CDH26: variants seen among roughly 807,000 people sequenced by gnomAD.
CDH26 encodes the protein cadherin-like protein 26.
Under a neutral mutation model 90.3 loss-of-function variants are expected in CDH26, and 83 were observed. The observed-to-expected ratio is 0.92, with a 90% CI of 0.77 to 1.10. The LOEUF (loss-of-function observed/expected upper bound fraction) is 1.10, where lower values mean the gene tolerates loss of function less well. Ranked by LOEUF, CDH26 falls within the 50% of genes least tolerant of loss-of-function variation. The pLI is 0.00. For synonymous variants in CDH26, 397 were observed against 396.3 expected, an observed-to-expected ratio of 1.00 and a Z score of -0.02; for missense variants, 1,013 against 1,037.6, an observed-to-expected ratio of 0.98 and a Z score of 0.33.
intron 7 of CDH26, among the ~76,000 whole-genome samples, chr20:60,026,478 G>A (rs576865423): frequency 8.2e-4 from 125 of 152,030 alleles, no homozygotes; most frequent in Non-Finnish European, 1.4e-3. Context: ...CACAGAGACC[G>A]GAAGCAAGAA....
intron 1 of CDH26, 70 bp from the exon 2 acceptor site, chr20:59,968,897 A>G (rs1305281214): frequency 4.0e-6 from 3 of 748,944 alleles, no homozygotes; most frequent in Non-Finnish European, 6.6e-6. Context: ...GATTTGTGCA[A>G]CTCCAGGTGG....
chr20:59,985,033 C>T lies in CDH26; in HGVS notation c.741C>T (p.Ala247=), dbSNP rs1309331601. The change falls in exon 7 of 18, where the codon GCC becomes GCT. Residue 247 remains alanine (A), a synonymous_variant. Transcript: ENST00000348616. ...TAPQFTLLIR[A]RDCGEPSLSS... ...CTCAGTTTACACTGCTAATCAGAGC[C>T]AGGGACTGTGGAGAACCGTCACTGT... The T allele has an allele frequency of 9.3e-6, 15 of 1,613,952 alleles. No individual in the cohort carries two copies. Among genetic ancestry groups the T allele is most frequent in the African/African-American group, 1.3e-5 (1 of 74,874 alleles).
intron 7 of CDH26, among the ~76,000 whole-genome samples, chr20:60,025,767 C>T (rs17727029): frequency 0.32 from 48,985 of 152,050 alleles, 9,956 homozygotes; most frequent in Non-Finnish European, 0.43. Flanking sequence ...GTACCTAGAT[C>T]GCCAACCCTG....
At chr20:59,979,637 T>TTTTTTTTTTTTTTTTTG (rs2061370626) in intron 4 of CDH26, among the ~76,000 whole-genome samples, 1 of 115,810 alleles carries the variant, frequency 8.6e-6, no homozygotes, top group Admixed American at 8.9e-5. Context: ...TTTTTTTTTT[T>TTTTTTTTTTTTTTTTTG]TTTTTTTAGA....
intron 7 of CDH26, among the ~76,000 whole-genome samples, chr20:60,026,646 C>A (rs1433992224): frequency 6.6e-6 from 1 of 152,198 alleles, no homozygotes; most frequent in African/African-American, 2.4e-5. Flanking sequence ...TGGTCAAGAA[C>A]CTGAGAGCGC....
intron 13 of CDH26, 113 bp from the exon 14 acceptor site, chr20:59,999,473 T>C (rs1024285654): frequency 9.8e-6 from 8 of 817,474 alleles, no homozygotes. Context: ...ACTTCTTCTG[T>C]GATGGCATAG....
rs1204777189 is a variant in CDH26 at position 59,995,878 on chromosome 20, A to G, written c.1712A>G (p.Asn571Ser). 2 of 1,614,216 alleles carry G rather than the reference A, an allele frequency of 1.2e-6. No homozygotes were observed. Among genetic ancestry groups the G allele is most frequent in the Non-Finnish European group, 1.7e-6 (2 of 1,180,034 alleles). Residue 571 changes from asparagine (N) to serine (S), a missense_variant, in exon 12 of 18, where the codon AAT becomes AGT. Physicochemically the swap from Asn to Ser is conservative, Grantham distance 46. Transcript: ENST00000348616. ...LLTLRSLPRGNYLVPLFIGDK... is the reference protein window; with the variant it reads ...LLTLRSLPRGSYLVPLFIGDK... The stretch of plus-strand genomic sequence containing the variant: ...ACCTTGAGAAGCCTGCCACGTGGTA[A>G]TTACTTGGTGCCACTCTTCATTGGA...
intron 16 of CDH26, among the ~76,000 whole-genome samples, chr20:60,006,419 T>C (rs528656761): frequency 6.6e-6 from 1 of 152,172 alleles, no homozygotes; most frequent in South Asian, 2.1e-4. Context: ...AAGGCATGAG[T>C]GAGGGTGTCA....
At chr20:59,989,354 C>G (rs2061499107) in intron 9 of CDH26, among the ~76,000 whole-genome samples, 191 bp downstream of exon 9, 1 of 151,232 alleles carries the variant, frequency 6.6e-6, no homozygotes, top group African/African-American at 2.4e-5. Flanking sequence ...AGGTGAAACC[C>G]CGTCTCTACT....
At chr20:59,977,463 C>G (rs1021576540) in intron 4 of CDH26, among the ~76,000 whole-genome samples, 3 of 151,882 alleles carry the variant, frequency 2.0e-5, no homozygotes, top group African/African-American at 7.3e-5. Context: ...AAGCCTGATT[C>G]GACTTGCTTT....
chr20:59,993,825 C>T (rs2061557536), intron 10 of CDH26, among the ~76,000 whole-genome samples: 1 of 152,182 alleles, frequency 6.6e-6, no homozygotes, highest in Admixed American at 6.5e-5. Flanking sequence ...TCCCCAGGGG[C>T]AACACCTTGC....
intron 16 of CDH26, among the ~76,000 whole-genome samples, chr20:60,004,765 CAAAAAAAAAA>C (rs140015980): frequency 2.1e-5 from 1 of 48,132 alleles, no homozygotes; most frequent in Non-Finnish European, 5.5e-5. Context: ...GACTCCATCT[CAAAAAAAAAA>C]AAAAAAAAAA....
chr20:60,001,472 C>T, intron 15 of CDH26, 61 bp downstream of exon 15: 1 of 1,583,898 alleles, frequency 6.3e-7, no homozygotes, highest in Non-Finnish European at 8.6e-7. Flanking sequence ...CAGTTGGTCC[C>T]CCTGAGAGAG....
chr20:59,993,862 G>C (rs2061558309), intron 10 of CDH26, among the ~76,000 whole-genome samples: 1 of 152,214 alleles, frequency 6.6e-6, no homozygotes. Context: ...CTTGTAACCA[G>C]TACATCAACG....
chr20:59,963,303 T>C (rs2145966836), intron 1 of CDH26, among the ~76,000 whole-genome samples: 1 of 138,468 alleles, frequency 7.2e-6, no homozygotes, highest in African/African-American at 2.8e-5. Context: ...CAGGCTGGAG[T>C]GCAGTGGTAT....
At chr20:59,978,980 A>C (rs966306511) in intron 4 of CDH26, among the ~76,000 whole-genome samples, 1 of 151,934 alleles carries the variant, frequency 6.6e-6, no homozygotes, top group African/African-American at 2.4e-5. Context: ...GTATCTCTTG[A>C]TGTATAGTTC....
At chr20:59,970,283 G>A (rs999582903) in intron 3 of CDH26, 97 bp downstream of exon 3, 1 of 1,502,436 alleles carries the variant, frequency 6.7e-7, no homozygotes, top group African/African-American at 1.4e-5. Flanking sequence ...TTATGTGCTA[G>A]TGAGGCCAGG....
At chr20:60,029,236 C>T (rs899793653) in intron 7 of CDH26, among the ~76,000 whole-genome samples, 4 of 152,298 alleles carry the variant, frequency 2.6e-5, no homozygotes, top group Admixed American at 2.6e-4. Context: ...TGAGAGGAAT[C>T]AGTCCTAGAG....
intron 13 of CDH26, among the ~76,000 whole-genome samples, chr20:59,998,561 C>T (rs1199593190): frequency 6.6e-6 from 1 of 152,164 alleles, no homozygotes; most frequent in East Asian, 1.9e-4. Flanking sequence ...GGGCAAGGGG[C>T]TCTGTTCTCT....
Sources: allele counts gnomAD v4.1 joint callset (sites outside exome capture counted in the v4.1 genomes callset), GRCh38; gene constraint gnomAD v4.1.1; transcripts MANE v1.5; gene names NCBI Gene and HGNC (gene_info 2026-07-23, HGNC 2026-07-21).